The following SCAMP1 variants were observed in gnomAD, a reference collection of about 807,000 sequenced individuals.
The protein encoded by SCAMP1 is secretory carrier membrane protein 1, also known as secretory carrier-associated membrane protein 1.
Under a neutral mutation model 41.8 loss-of-function variants are expected in SCAMP1, and 15 were observed. The ratio of observed to expected loss-of-function variants is 0.36; its 90% CI spans 0.24 to 0.55. The LOEUF (loss-of-function observed/expected upper bound fraction) is 0.55, where lower values mean the gene tolerates loss of function less well. Ranked by LOEUF, SCAMP1 falls within the 20% of genes least tolerant of loss-of-function variation. The pLI is 0.86. For synonymous variants in SCAMP1, 135 were observed against 136.8 expected, an observed-to-expected ratio of 0.99 and a Z score of 0.09; for missense variants, 341 against 412.6, an observed-to-expected ratio of 0.83 and a Z score of 1.50.
intron 1 of SCAMP1, among the ~76,000 whole-genome samples, chr5:78,365,472 CAAAAAAA>C (rs35765310): frequency 1.4e-4 from 8 of 55,578 alleles, no homozygotes; most frequent in Non-Finnish European, 2.3e-4. Context: ...AGACTCATCT[CAAAAAAA>C]AAAAAAAAAA....
intron 8 of SCAMP1, among the ~76,000 whole-genome samples, chr5:78,468,244 A>G (rs569363981): frequency 6.6e-6 from 1 of 152,274 alleles, no homozygotes; most frequent in East Asian, 1.9e-4. Flanking sequence ...TATGTCTCCT[A>G]TACATCTGCA....
At chr5:78,449,891 C>A in intron 6 of SCAMP1, 42 bp from the exon 7 acceptor site, 1 of 1,106,360 alleles carries the variant, frequency 9.0e-7, no homozygotes, top group Non-Finnish European at 1.3e-6. Flanking sequence ...CTTTCTCTCC[C>A]CCTAACCCCC....
At chr5:78,404,836 T>A (rs1398478605) in intron 2 of SCAMP1, among the ~76,000 whole-genome samples, 3 of 152,168 alleles carry the variant, frequency 2.0e-5, no homozygotes, top group African/African-American at 7.2e-5. Flanking sequence ...AAGGAGGGGA[T>A]TTTTTTCTCC....
chr5:78,384,245 C>T (rs1751287018), intron 1 of SCAMP1, among the ~76,000 whole-genome samples: 1 of 125,496 alleles, frequency 8.0e-6, no homozygotes, highest in South Asian at 2.7e-4. Context: ...AGATTGGTTG[C>T]TTTTGGTATA....
chr5:78,461,196 A>G (rs1310661053), intron 8 of SCAMP1, among the ~76,000 whole-genome samples: 1 of 152,042 alleles, frequency 6.6e-6, no homozygotes, highest in Non-Finnish European at 1.5e-5. Context: ...CCCATTTGTC[A>G]ATTTTTGTTT....
At position 78,480,224 on chromosome 5, in the gene SCAMP1, C is replaced by G. The variant is rs552913993; in HGVS notation, c.*4556C>G. On this transcript the variant is annotated 3_prime_UTR_variant, in exon 9 of 9. Coordinates refer to ENST00000621999, the MANE Select transcript of SCAMP1 (RefSeq NM_004866.6). ...TGGCTGATGGTGTAGCTGAAACCCT[C>G]CTAACACTAAAAGCCATTTAATCTT... Among the ~76,000 whole-genome samples the G allele has an allele frequency of 6.6e-6, 1 of 152,212 alleles. No individual in the cohort carries two copies. Among genetic ancestry groups the G allele is most frequent in the South Asian group, 2.1e-4 (1 of 4,822 alleles).
intron 8 of SCAMP1, among the ~76,000 whole-genome samples, chr5:78,471,231 A>G (rs965815850): frequency 1.3e-5 from 2 of 152,188 alleles, no homozygotes; most frequent in African/African-American, 4.8e-5. Context: ...AGGGAAAGCC[A>G]TAGCTAGTTC....
intron 8 of SCAMP1, among the ~76,000 whole-genome samples, chr5:78,460,372 A>G (rs377565660): frequency 6.6e-6 from 1 of 152,342 alleles, no homozygotes; most frequent in South Asian, 2.1e-4. Context: ...ATTCCCGTCA[A>G]CGGTATATAA....
At chr5:78,475,252 T>G (rs1351787450) in intron 8 of SCAMP1, among the ~76,000 whole-genome samples, 1 of 152,150 alleles carries the variant, frequency 6.6e-6, no homozygotes, top group Non-Finnish European at 1.5e-5. Flanking sequence ...TGAAGTTGGC[T>G]AAGAAGTTCT....
intron 8 of SCAMP1, among the ~76,000 whole-genome samples, chr5:78,473,548 T>A (rs891463670): frequency 6.6e-6 from 1 of 152,154 alleles, no homozygotes; most frequent in Non-Finnish European, 1.5e-5. Context: ...ATACTGAGGT[T>A]TGGGGGACAG....
At chr5:78,386,107 A>G (rs1751333903) in intron 1 of SCAMP1, among the ~76,000 whole-genome samples, 1 of 152,106 alleles carries the variant, frequency 6.6e-6, no homozygotes, top group Non-Finnish European at 1.5e-5. Flanking sequence ...TAGGTCTAGT[A>G]GTACTTGTTT....
chr5:78,409,488 T>C (rs1317160874), intron 2 of SCAMP1, among the ~76,000 whole-genome samples: 1 of 151,586 alleles, frequency 6.6e-6, no homozygotes, highest in Non-Finnish European at 1.5e-5. Flanking sequence ...AAGTTGGAAA[T>C]GAACTGGGAA....
At chr5:78,402,769 G>T (rs370924046) in intron 2 of SCAMP1, among the ~76,000 whole-genome samples, 3 of 151,788 alleles carry the variant, frequency 2.0e-5, no homozygotes, top group African/African-American at 4.8e-5. Context: ...CCTTGAGACC[G>T]TTGATGTTCA....
chr5:78,462,138 ATTC>A (rs370003345), intron 8 of SCAMP1, among the ~76,000 whole-genome samples: 174 of 151,250 alleles, frequency 1.2e-3, no homozygotes, highest in African/African-American at 2.5e-3. Flanking sequence ...GTGATTTGCA[ATTC>A]TTCTTATGGA....
intron 1 of SCAMP1, among the ~76,000 whole-genome samples, chr5:78,383,514 T>C (rs1050444496): frequency 6.6e-6 from 1 of 152,200 alleles, no homozygotes; most frequent in Non-Finnish European, 1.5e-5. Context: ...CTTAAGCCAG[T>C]GTCAAGAAAG....
chr5:78,364,131 T>C (rs1750735617), intron 1 of SCAMP1, among the ~76,000 whole-genome samples: 1 of 152,248 alleles, frequency 6.6e-6, no homozygotes, highest in African/African-American at 2.4e-5. Context: ...GAAGTGTCTC[T>C]GTCCTTATGG....
In SCAMP1 at chr5:78,425,906, C is replaced by T. The variant is rs549834976; in HGVS notation, c.632+3946C>T. On this transcript the variant is annotated intron_variant, in intron 6 of 8. Transcript: ENST00000621999. Reference sequence around the variant, plus strand: ...AACCCATCATCCAGGTTTTAAGCCCCGCGTGCATTAGGTATTTGTCCTAAT... The same window carrying T: ...AACCCATCATCCAGGTTTTAAGCCCTGCGTGCATTAGGTATTTGTCCTAAT... Among the ~76,000 whole-genome samples the T allele has an allele frequency of 1.4e-4, 21 of 152,130 alleles. No individual in the cohort carries two copies. The East Asian group carries it at 1.5e-3, about 11-fold the overall frequency.
At chr5:78,432,451 A>G (rs752366224) in intron 6 of SCAMP1, among the ~76,000 whole-genome samples, 1 of 152,074 alleles carries the variant, frequency 6.6e-6, no homozygotes, top group Non-Finnish European at 1.5e-5. Flanking sequence ...TCTTTGAAAG[A>G]TATTATCAAT....
At chr5:78,367,581 T>G (rs1750830093) in intron 1 of SCAMP1, among the ~76,000 whole-genome samples, 1 of 152,350 alleles carries the variant, frequency 6.6e-6, no homozygotes, top group Admixed American at 6.5e-5. Flanking sequence ...TTGAATCATA[T>G]GCTACTTCTG....
Sources: gnomAD v4.1 joint callset for allele counts (sites outside exome capture counted in the v4.1 genomes callset) on GRCh38, gnomAD v4.1.1 for gene constraint, MANE v1.5 for transcripts, NCBI Gene and HGNC (gene_info 2026-07-23, HGNC 2026-07-21) for gene names.